DIAPH2: variants seen among roughly 807,000 people sequenced by gnomAD.
DIAPH2 encodes the protein protein diaphanous homolog 2.
In DIAPH2, 35 loss-of-function variants were observed where a neutral mutation model predicts 92.7. The observed-to-expected ratio is 0.38, with a 90% CI of 0.29 to 0.50. DIAPH2 has a LOEUF of 0.50. Ranked by LOEUF, DIAPH2 falls within the 20% of genes least tolerant of loss-of-function variation. The pLI is 0.94. For synonymous variants in DIAPH2, 301 were observed against 280.4 expected, an observed-to-expected ratio of 1.07 and a Z score of -0.73; for missense variants, 701 against 819.5, an observed-to-expected ratio of 0.86 and a Z score of 1.77.
At chrX:97,456,390 A>G (rs1199081530) in intron 26 of DIAPH2, among the ~76,000 whole-genome samples, 2 of 108,487 alleles carry the variant, frequency 1.8e-5, no homozygotes, top group East Asian at 5.7e-4. Context: ...CCGTCTCAGA[A>G]AAAAAAAAAA....
intron 4 of DIAPH2, among the ~76,000 whole-genome samples, chrX:96,786,364 C>T (rs977205756): frequency 3.6e-5 from 4 of 111,627 alleles, no homozygotes; most frequent in African/African-American, 9.8e-5. Context: ...GAGAAAGGGG[C>T]TTCAGGTAAT....
chrX:97,131,805 A>G (rs2067140003), intron 21 of DIAPH2, among the ~76,000 whole-genome samples: 1 of 112,480 alleles, frequency 8.9e-6, no homozygotes, highest in Admixed American at 9.4e-5. Context: ...GATTAAAAGC[A>G]TATGAAAGTA....
intron 26 of DIAPH2, among the ~76,000 whole-genome samples, chrX:97,573,648 GTTTTTTTGTTTT>G (rs769461377): frequency 2.3e-3 from 246 of 105,231 alleles, no homozygotes; most frequent in Middle Eastern, 9.8e-3. Flanking sequence ...TTTTTTTGGG[GTTTTTTTGTTTT>G]TTTTTTTGTT....
At chrX:97,361,969 G>A (rs375867697) in intron 24 of DIAPH2, among the ~76,000 whole-genome samples, 5 of 112,061 alleles carry the variant, frequency 4.5e-5, no homozygotes, top group East Asian at 5.6e-4. Context: ...GGCAGCGCGC[G>A]GTGGCTCACG....
intron 26 of DIAPH2, among the ~76,000 whole-genome samples, chrX:97,569,590 A>G (rs1335047651): frequency 1.8e-5 from 2 of 111,238 alleles, no homozygotes; most frequent in African/African-American, 3.3e-5. Context: ...AGGCCCATCA[A>G]AATGCAGATT....
intron 4 of DIAPH2, among the ~76,000 whole-genome samples, chrX:96,826,490 A>AT (rs1471736620): frequency 9.0e-6 from 1 of 111,554 alleles, no homozygotes; most frequent in African/African-American, 3.3e-5. Flanking sequence ...GCAAATAATA[A>AT]TTACAATTAG....
chrX:97,028,169 T>G (rs2147876285), intron 17 of DIAPH2, among the ~76,000 whole-genome samples: 1 of 111,332 alleles, frequency 9.0e-6, no homozygotes, highest in Non-Finnish European at 1.9e-5. Context: ...CTTCCTAACA[T>G]TTAAATGATT....
At chrX:97,321,791 C>T (rs766666768) in intron 23 of DIAPH2, among the ~76,000 whole-genome samples, 3 of 110,473 alleles carry the variant, frequency 2.7e-5, no homozygotes, top group South Asian at 7.7e-4. Context: ...CCTCATGATC[C>T]GCCCGCCTCG....
chrX:97,528,247 A>C (rs2071036559), intron 26 of DIAPH2: 1 of 112,575 alleles, frequency 8.9e-6, no homozygotes, highest in South Asian at 3.7e-4. Context: ...CAAAGCTTGC[A>C]TGAGCTGAGG....
chrX:97,533,359 A>G (rs1201464287), intron 26 of DIAPH2: 1 of 111,825 alleles, frequency 8.9e-6, no homozygotes, highest in Non-Finnish European at 1.9e-5. Flanking sequence ...CCAGAATCAC[A>G]CATTGCATCG....
intron 26 of DIAPH2, among the ~76,000 whole-genome samples, chrX:97,527,283 T>C (rs2071030747): frequency 2.7e-5 from 3 of 112,308 alleles, no homozygotes; most frequent in Non-Finnish European, 5.6e-5. Context: ...ACTGACAGAA[T>C]TTTCTTTAGG....
intron 5 of DIAPH2, among the ~76,000 whole-genome samples, chrX:96,882,089 T>G (rs1056344421): frequency 9.1e-6 from 1 of 109,867 alleles, no homozygotes. Flanking sequence ...CTTGCTCTGT[T>G]GCCCAGGCTG....
intron 5 of DIAPH2, among the ~76,000 whole-genome samples, chrX:96,908,252 TA>T (rs1011040447): frequency 1.8e-5 from 2 of 111,795 alleles, no homozygotes; most frequent in African/African-American, 6.5e-5. Flanking sequence ...CATACCTCAG[TA>T]AAAAGGAAAG....
chrX:96,836,393 A>G (rs1248979743), intron 4 of DIAPH2, among the ~76,000 whole-genome samples: 1 of 109,312 alleles, frequency 9.1e-6, no homozygotes, highest in African/African-American at 3.3e-5. Context: ...TTCTCTTGAT[A>G]AATGACTGTA....
chrX:97,226,364 ATTTTG>A (rs762359546), intron 22 of DIAPH2, among the ~76,000 whole-genome samples: 84 of 101,316 alleles, frequency 8.3e-4, no homozygotes, highest in Non-Finnish European at 1.4e-3. Flanking sequence ...TTTTTGTTTT[ATTTTG>A]TTTTGTTTTG....
chrX:97,258,417 T>C (rs950786866), intron 23 of DIAPH2, among the ~76,000 whole-genome samples: 2 of 109,625 alleles, frequency 1.8e-5, no homozygotes, highest in Non-Finnish European at 3.8e-5. Flanking sequence ...CTACTAAAAA[T>C]ACAAAAATTA....
intron 25 of DIAPH2, among the ~76,000 whole-genome samples, chrX:97,422,091 G>T (rs183508304): frequency 3.3e-3 from 368 of 111,709 alleles, no homozygotes; most frequent in African/African-American, 0.011. Flanking sequence ...TTTCTAGAGA[G>T]TTGGAAATGT....
At chrX:96,853,320 A>T (rs916039059) in intron 4 of DIAPH2, among the ~76,000 whole-genome samples, 16 of 111,959 alleles carry the variant, frequency 1.4e-4, no homozygotes, top group African/African-American at 4.5e-4. Flanking sequence ...GACATGAATT[A>T]ACTACACACT....
chrX:97,535,670 G>A (rs964866948), intron 26 of DIAPH2, among the ~76,000 whole-genome samples: 18 of 111,001 alleles, frequency 1.6e-4, no homozygotes, highest in African/African-American at 5.2e-4. Flanking sequence ...CAGGCTGGTC[G>A]AACTCCTGAC....
Sources: gnomAD v4.1 joint callset for allele counts (sites outside exome capture counted in the v4.1 genomes callset) on GRCh38, gnomAD v4.1.1 for gene constraint, MANE v1.5 for transcripts, NCBI Gene and HGNC (gene_info 2026-07-23, HGNC 2026-07-21) for gene names.